The following AGBL4 variants were observed in gnomAD, a reference collection of about 807,000 sequenced individuals.
AGBL4 encodes the protein cytosolic carboxypeptidase 6.
AGBL4 carries 58 observed loss-of-function variants against 66.4 expected under a neutral mutation model. The observed-to-expected ratio is 0.87, with a 90% CI of 0.71 to 1.09. The LOEUF (loss-of-function observed/expected upper bound fraction) is 1.09. AGBL4 is among the 50% of genes least tolerant of loss of function. AGBL4 has a pLI of 0.00. For missense variants in AGBL4, 579 were observed against 631.0 expected (o/e 0.92, Z 0.88); for synonymous variants, 234 against 222.9 (o/e 1.05, Z -0.44).
intron 2 of AGBL4, among the ~76,000 whole-genome samples, chr1:49,743,617 G>A (rs1041175587): frequency 4.6e-5 from 7 of 151,928 alleles, no homozygotes; most frequent in African/African-American, 1.7e-4. Context: ...TGTTTATTGT[G>A]GCACTATTCA....
At chr1:49,609,763 C>A (rs191344211) in intron 3 of AGBL4, among the ~76,000 whole-genome samples, 1 of 152,088 alleles carries the variant, frequency 6.6e-6, no homozygotes, top group Non-Finnish European at 1.5e-5. Flanking sequence ...CTCAAGTAGG[C>A]CCTGGTGTCT....
At chr1:49,090,527 C>G (rs927311357) in intron 4 of AGBL4, among the ~76,000 whole-genome samples, 1 of 151,910 alleles carries the variant, frequency 6.6e-6, no homozygotes, top group African/African-American at 2.4e-5. Flanking sequence ...TATAGCTAAC[C>G]CAGGAGATGA....
intron 5 of AGBL4, among the ~76,000 whole-genome samples, chr1:48,911,454 A>C (rs886420581): frequency 3.3e-5 from 5 of 151,062 alleles, no homozygotes; most frequent in Middle Eastern, 3.4e-3. Flanking sequence ...CGTCTCTACT[A>C]AAAAAAATAC....
chr1:49,055,867 A>T (rs1440391184), intron 4 of AGBL4, among the ~76,000 whole-genome samples: 3 of 152,172 alleles, frequency 2.0e-5, no homozygotes, highest in African/African-American at 7.2e-5. Context: ...ATTTTGTTTC[A>T]AAAAACAGTA....
chr1:48,659,958 A>T (rs6699987), intron 7 of AGBL4, among the ~76,000 whole-genome samples: 1,931 of 152,350 alleles, frequency 0.013, 18 homozygotes, highest in African/African-American at 0.022. Flanking sequence ...AGATAAAGGA[A>T]CTGCGGCATA....
intron 6 of AGBL4, among the ~76,000 whole-genome samples, chr1:48,787,709 T>C (rs1004959664): frequency 9.2e-5 from 14 of 152,156 alleles, no homozygotes; most frequent in Non-Finnish European, 1.6e-4. Context: ...ACCTCTATTA[T>C]CAAGGAAAAG....
Position 49,697,334 on chromosome 1 carries a change from A to C in AGBL4, c.261T>G (p.Val87=), listed in dbSNP as rs1379464557. The change falls in exon 3 of 14, where the codon GTT becomes GTG. Residue 87 remains valine (V), a synonymous_variant. Transcript: ENST00000371839. ...TCACCTGTGATTCTTTCACATTTTC[A>C]ACAGTAAAGTTGAACCAGACTCGGA... is the stretch of plus-strand genomic sequence containing the variant. ...PRFRVWFNFT[V]ENVKESQRVI... is the part of the protein sequence containing the mutation. The C allele has an allele frequency of 6.5e-7, 1 of 1,546,692 alleles. No individual in the cohort carries two copies. Among genetic ancestry groups the C allele is most frequent in the Non-Finnish European group, 8.7e-7 (1 of 1,143,466 alleles).
intron 3 of AGBL4, among the ~76,000 whole-genome samples, chr1:49,628,383 A>G (rs1303345745): frequency 6.6e-6 from 1 of 152,184 alleles, no homozygotes; most frequent in African/African-American, 2.4e-5. Context: ...TATATGCCAG[A>G]GCATATATGT....
intron 3 of AGBL4, among the ~76,000 whole-genome samples, chr1:49,570,966 C>T (rs370571389): frequency 2.6e-5 from 4 of 152,028 alleles, no homozygotes; most frequent in East Asian, 1.9e-4. Context: ...TATACCATTA[C>T]CATGCTGTTT....
At chr1:49,917,056 G>C (rs556220050) in intron 1 of AGBL4, among the ~76,000 whole-genome samples, 14 of 152,140 alleles carry the variant, frequency 9.2e-5, no homozygotes, top group Non-Finnish European at 1.6e-4. Flanking sequence ...GTCACCACCA[G>C]GCCTGCCCAA....
intron 2 of AGBL4, among the ~76,000 whole-genome samples, chr1:49,708,128 A>G (rs1224749430): frequency 6.6e-6 from 1 of 152,076 alleles, no homozygotes; most frequent in Non-Finnish European, 1.5e-5. Flanking sequence ...GTTCTCCTGG[A>G]TAATATCCTG....
At chr1:49,116,250 A>G (rs1645518636) in intron 4 of AGBL4, among the ~76,000 whole-genome samples, 1 of 152,186 alleles carries the variant, frequency 6.6e-6, no homozygotes, top group African/African-American at 2.4e-5. Flanking sequence ...TTTAAGTTCT[A>G]GGGTACATGT....
intron 1 of AGBL4, among the ~76,000 whole-genome samples, chr1:50,001,434 T>C (rs945594451): frequency 6.6e-6 from 1 of 151,258 alleles, no homozygotes; most frequent in Non-Finnish European, 1.5e-5. Context: ...TGTGTGTGTG[T>C]GTGTGTGTCT....
At chr1:49,426,073 C>CA (rs34047828) in intron 3 of AGBL4, among the ~76,000 whole-genome samples, 1 of 151,988 alleles carries the variant, frequency 6.6e-6, no homozygotes, top group Admixed American at 6.6e-5. Context: ...AAGAGTAAGT[C>CA]AAAAAAGATT....
At chr1:48,891,729 CACTACATGGGA>C (rs942506728) in intron 5 of AGBL4, among the ~76,000 whole-genome samples, 2 of 152,144 alleles carry the variant, frequency 1.3e-5, no homozygotes, top group African/African-American at 4.8e-5. Context: ...CTAGTACAGG[CACTACATGGGA>C]ACTTCACTCT....
At chr1:49,664,251 T>C (rs1646321826) in intron 3 of AGBL4, among the ~76,000 whole-genome samples, 1 of 152,136 alleles carries the variant, frequency 6.6e-6, no homozygotes, top group Non-Finnish European at 1.5e-5. Context: ...TAAGATGAAA[T>C]GTCAGAAGAC....
chr1:48,634,715 A>T, intron 8 of AGBL4, 111 bp from the exon 9 acceptor site: 1 of 688,980 alleles, frequency 1.5e-6, no homozygotes, highest in African/African-American at 1.8e-5. Context: ...CCTAGCATTT[A>T]TCATTTTCCA....
intron 6 of AGBL4, chr1:48,759,184 G>A (rs760919716): frequency 1.1e-5 from 18 of 1,613,676 alleles, no homozygotes; most frequent in Middle Eastern, 1.6e-4. Flanking sequence ...TTCCGGACAC[G>A]TGCTATGGCC....
chr1:48,695,706 G>A (rs1002934228), intron 6 of AGBL4, among the ~76,000 whole-genome samples: 2 of 152,172 alleles, frequency 1.3e-5, no homozygotes, highest in Admixed American at 6.5e-5. Flanking sequence ...CTCAGTGAGA[G>A]GGACTCAGAG....
Sources: gnomAD v4.1 joint callset for allele counts (sites outside exome capture counted in the v4.1 genomes callset) on GRCh38, gnomAD v4.1.1 for gene constraint, MANE v1.5 for transcripts, NCBI Gene and HGNC (gene_info 2026-07-23, HGNC 2026-07-21) for gene names.